WDR91: variants seen among roughly 807,000 people sequenced by gnomAD.
WDR91 encodes the protein WD repeat domain 91, also known as WD repeat-containing protein 91.
WDR91 carries 52 observed loss-of-function variants against 88.4 expected under a neutral mutation model. The observed-to-expected ratio is 0.59, with a 90% CI of 0.47 to 0.74. The LOEUF is 0.74. Ranked by LOEUF, WDR91 falls within the 30% of genes least tolerant of loss-of-function variation. The pLI, the probability that WDR91 is intolerant of heterozygous loss-of-function variation, is 0.00. For missense variants in WDR91, 824 were observed against 954.5 expected, an observed-to-expected ratio of 0.86 and a Z score of 1.80; for synonymous variants, 362 against 389.5, an observed-to-expected ratio of 0.93 and a Z score of 0.83.
In WDR91 at chr7:135,189,437, C is replaced by A. The variant is rs146344312; in HGVS notation, c.1675G>T (p.Asp559Tyr). 594 of 1,613,788 alleles carry A rather than the reference C, an allele frequency of 3.7e-4. 2 individuals carry two copies. In the African/African-American group the frequency reaches 6.9e-3, roughly 19 times the overall value. Reference protein sequence around the residue: ...TMKQQLQFSLDPEPIAINCTA... With the variant: ...TMKQQLQFSLYPEPIAINCTA... ...CAGTTGATAGCAATGGGTTCTGGAT[C>A]CAGGGAGAACTGGAGCTATTGAAAT... The change falls in exon 12 of 15, where the codon GAT becomes TAT. Residue 559 changes from aspartate to tyrosine, a missense_variant. By Grantham distance (160) the Asp-to-Tyr change is radical. Transcript: ENST00000354475.
chr7:135,201,086 C>T (rs292588), intron 6 of WDR91, among the ~76,000 whole-genome samples: 145,212 of 152,302 alleles, frequency 0.95, 69,568 homozygotes, highest in East Asian at 1. Context: ...ACACTAATAA[C>T]AGTCACAAGC....
At chr7:135,208,731 T>C in intron 3 of WDR91, 60 bp downstream of exon 3, 1 of 1,449,582 alleles carries the variant, frequency 6.9e-7, no homozygotes, top group Non-Finnish European at 9.3e-7. Flanking sequence ...AGCGGGCTAC[T>C]GATCCTGAGG....
chr7:135,201,519 A>C (rs1438043581), intron 6 of WDR91: 1 of 152,236 alleles, frequency 6.6e-6, no homozygotes, highest in African/African-American at 2.4e-5. Context: ...CAGGTACAGC[A>C]ACCAATTACA....
At position 135,196,796 on chromosome 7, in the gene WDR91, C is replaced by T. The variant is rs1831391551; in HGVS notation, c.1051-459G>A. Reference sequence around the variant, plus strand: ...ACTGAAAGAGAAGCCAAATCCCTTGCCCAAAGTCATATGGCTGGCAAGGGG... The same window carrying T: ...ACTGAAAGAGAAGCCAAATCCCTTGTCCAAAGTCATATGGCTGGCAAGGGG... On this transcript the variant is annotated intron_variant, in intron 7 of 14. Coordinates refer to ENST00000354475, the MANE Select transcript of WDR91 (RefSeq NM_014149.4). This position sits in a 1 kb window ranked among gnomAD's most constrained non-coding sequence, Gnocchi z 4.2. Among the ~76,000 whole-genome samples, 1 of 152,198 alleles carries T rather than the reference C, an allele frequency of 6.6e-6. No individual in the cohort carries two copies. The highest frequency in any genetic ancestry group is 6.5e-5 in the Admixed American group (1 of 15,284).
chr7:135,202,371 T>C (rs1361096108), intron 6 of WDR91: 2 of 152,356 alleles, frequency 1.3e-5, no homozygotes, highest in South Asian at 2.1e-4. Context: ...GTGACCTGAC[T>C]ATTGGGTTTT....
intron 1 of WDR91, 120 bp from the exon 2 acceptor site, chr7:135,209,875 C>T: frequency 1.2e-6 from 1 of 860,580 alleles, no homozygotes; most frequent in Non-Finnish European, 1.7e-6. Context: ...TGTAAGTTAG[C>T]AATCTATAAA....
chr7:135,196,172 C>T lies in WDR91; in HGVS notation c.1216G>A (p.Glu406Lys). 1 of 1,583,282 alleles carries T rather than the reference C, an allele frequency of 6.3e-7. No individual in the cohort carries two copies. The highest frequency in any genetic ancestry group is 1.1e-5 in the South Asian group (1 of 87,122). Residue 406 changes from glutamate (E) to lysine (K), a missense_variant, in exon 8 of 15, where the codon GAA becomes AAA. Glu to Lys is a moderately conservative substitution (Grantham distance 56, BLOSUM62 1). Transcript: ENST00000354475. The surrounding 1 kb of genome is among the most constrained non-coding windows in gnomAD (Gnocchi z 4.2). ...CAGTGCATGATGGATGAGTGGTGTT[C>T]CCCGTACTCCTCCTGTCCCAGCACA... ...FIVLGQEEYG[E>K]HHSSIMHCRV...
Position 135,187,027 on chromosome 7 carries a change from T to C in WDR91, c.2024A>G (p.Asp675Gly), listed in dbSNP as rs1251320131. Residue 675 changes from aspartate to glycine, a missense_variant, in exon 14 of 15, where the codon GAC becomes GGC. Physicochemically the swap from Asp to Gly is moderately conservative, Grantham distance 94. Coordinates refer to ENST00000354475, the MANE Select transcript of WDR91 (RefSeq NM_014149.4). ...TGTCAGCATGTAATTTCCCTCCGAG[T>C]CAAAAGCGAAGAGTCGGCCCCTGGG... Reference protein sequence around the residue: ...QVPRGRLFAFDSEGNYMLTCS... With the variant: ...QVPRGRLFAFGSEGNYMLTCS... 1 of 1,614,108 alleles carries C rather than the reference T, an allele frequency of 6.2e-7. No individual in the cohort carries two copies. Among genetic ancestry groups the C allele is most frequent in the East Asian group, 2.2e-5 (1 of 44,888 alleles).
At position 135,184,824 on chromosome 7, in the gene WDR91, CA is replaced by C. The variant is rs1223532127; in HGVS notation, c.*1326del. ...CAGTTGGAGGAATGAGAGGAGCCAC[CA>C]AATGAAAAAGGTACAGGTTGAGCGT... On this transcript the variant is annotated 3_prime_UTR_variant, in exon 15 of 15. Coordinates refer to ENST00000354475, the MANE Select transcript of WDR91 (RefSeq NM_014149.4). The C allele has an allele frequency of 2.0e-5, 3 of 152,078 alleles. No homozygotes were observed. The highest frequency in any genetic ancestry group is 4.4e-5 in the Non-Finnish European group (3 of 68,026). The allele number at this position is 152,078 out of a possible 1,614,324, so 9.4% of individuals were successfully genotyped here. A position where few individuals can be genotyped will look rare whatever the true frequency, so the allele number is the denominator to read the frequency against.
In WDR91 at chr7:135,196,061, C is replaced by T. The variant is rs1253843984; in HGVS notation, c.1244+83G>A. 1.5e-6 allele frequency: 2 copies of T among 1,349,288 alleles called. No homozygotes were observed. The highest frequency in any genetic ancestry group is 5.4e-5 in the Admixed American group (2 of 37,340). 83.6% of individuals were successfully genotyped at this position (1,349,288 alleles called of 1,614,324 possible). A position where few individuals can be genotyped will look rare whatever the true frequency, so the allele number is the denominator to read the frequency against. Reference sequence around the variant, plus strand: ...CCTCGTCCAAGCCCCCATTCTCCGCCATCTCCTGCTGGCCACACCTCCACG... The same window carrying T: ...CCTCGTCCAAGCCCCCATTCTCCGCTATCTCCTGCTGGCCACACCTCCACG... On this transcript the variant is annotated intron_variant, in intron 8 of 14. Coordinates refer to ENST00000354475, the MANE Select transcript of WDR91 (RefSeq NM_014149.4). This position sits in a 1 kb window ranked among gnomAD's most constrained non-coding sequence, Gnocchi z 4.2.
intron 13 of WDR91, among the ~76,000 whole-genome samples, chr7:135,187,525 G>A (rs1830996308): frequency 6.6e-6 from 1 of 152,184 alleles, no homozygotes; most frequent in Non-Finnish European, 1.5e-5. Context: ...TCTCAAGCAG[G>A]AGGAATGCTT....
chr7:135,207,038 T>C (rs1187076884), intron 4 of WDR91, 82 bp downstream of exon 4: 2 of 1,145,358 alleles, frequency 1.7e-6, no homozygotes, highest in Non-Finnish European at 2.5e-6. Flanking sequence ...ACCTGATTAA[T>C]ATAGTGTTCC....
At chr7:135,207,808 G>T (rs1269960477) in intron 3 of WDR91, among the ~76,000 whole-genome samples, 2 of 152,238 alleles carry the variant, frequency 1.3e-5, no homozygotes, top group Non-Finnish European at 2.9e-5. Flanking sequence ...AGCAGACAGG[G>T]CCTCAGAACT....
rs1057276478 is a variant in WDR91 at position 135,195,176 on chromosome 7, T to C, written c.1245-92A>G. ...AAGATGATCACTTTCCTGACTTCCT[T>C]ACTGTTTTAAAAAAACAATCCCTAG... On this transcript the variant is annotated intron_variant, in intron 8 of 14. Transcript: ENST00000354475. 3.2e-5 allele frequency: 45 copies of C among 1,394,776 alleles called. No homozygotes were observed. The African/African-American group carries it at 5.3e-4, about 16-fold the overall frequency. The allele number at this position is 1,394,776 out of a possible 1,614,324, so 86.4% of individuals were successfully genotyped here.
chr7:135,201,887 G>A (rs775248069), intron 6 of WDR91, among the ~76,000 whole-genome samples: 1 of 152,166 alleles, frequency 6.6e-6, no homozygotes, highest in Non-Finnish European at 1.5e-5. Flanking sequence ...TCAAATTTAG[G>A]TGTTAATTGT....
At chr7:135,208,354 C>G (rs1267463775) in intron 3 of WDR91, among the ~76,000 whole-genome samples, 1 of 152,178 alleles carries the variant, frequency 6.6e-6, no homozygotes, top group Non-Finnish European at 1.5e-5. Context: ...AGACAATAAC[C>G]CAAACACTAA....
chr7:135,189,140 A>G (rs1831066969), intron 12 of WDR91, among the ~76,000 whole-genome samples: 1 of 152,204 alleles, frequency 6.6e-6, no homozygotes, highest in Non-Finnish European at 1.5e-5. Context: ...ACCCCCTCCC[A>G]TGTCTATTGA....
At position 135,211,295 on chromosome 7, in the gene WDR91, CG is replaced by C. The variant is rs1348801041; in HGVS notation, c.123+84del. The C allele has an allele frequency of 6.0e-6, 9 of 1,498,830 alleles. No individual in the cohort carries two copies. The African/African-American group carries it at 1.0e-4, about 17-fold the overall frequency. The allele number at this position is 1,498,830 out of a possible 1,614,324, so 92.8% of individuals were successfully genotyped here. A position where few individuals can be genotyped will look rare whatever the true frequency, so the allele number is the denominator to read the frequency against. On this transcript the variant is annotated intron_variant, in intron 1 of 14. Coordinates refer to ENST00000354475, the MANE Select transcript of WDR91 (RefSeq NM_014149.4). The stretch of plus-strand genomic sequence containing the variant: ...CCGGCGCGAGTGACAGCGCCGCTCT[CG>C]CCCCGGAGGCAGTGCTGGGGGGAAG...
chr7:135,205,485 C>T (rs1380228870), intron 5 of WDR91, among the ~76,000 whole-genome samples: 4 of 152,176 alleles, frequency 2.6e-5, no homozygotes, highest in Non-Finnish European at 4.4e-5. Context: ...AGGCTGGACA[C>T]GGTGGCTCAC....
Sources: allele counts gnomAD v4.1 joint callset (sites outside exome capture counted in the v4.1 genomes callset), GRCh38; gene constraint gnomAD v4.1.1; non-coding constraint Gnocchi (gnomAD v3.1); transcripts MANE v1.5; gene names NCBI Gene and HGNC (gene_info 2026-07-23, HGNC 2026-07-21).